The following SLC5A12 variants were observed in gnomAD, a reference collection of about 807,000 sequenced individuals.
The protein encoded by SLC5A12 is solute carrier family 5 member 12.
In SLC5A12, 46 loss-of-function variants were observed where a neutral mutation model predicts 72.7. The observed-to-expected ratio is 0.63, with a 90% CI of 0.50 to 0.81. SLC5A12 has a LOEUF of 0.81. Among genes scored for constraint, SLC5A12 ranks in the 30% least tolerant of loss-of-function variants. The pLI is 0.00. For synonymous variants in SLC5A12, 275 were observed against 264.4 expected, an observed-to-expected ratio of 1.04 and a Z score of -0.39; for missense variants, 683 against 740.7, an observed-to-expected ratio of 0.92 and a Z score of 0.90.
At chr11:26,706,322 C>G in intron 4 of SLC5A12, among the ~76,000 whole-genome samples, 1 of 151,806 alleles carries the variant, frequency 6.6e-6, no homozygotes, top group South Asian at 2.1e-4. Flanking sequence ...TAGGAAGTAA[C>G]AAGAGAATTA....
chr11:26,714,857 G>A (rs1423313230), intron 1 of SLC5A12, among the ~76,000 whole-genome samples: 1 of 152,026 alleles, frequency 6.6e-6, no homozygotes, highest in African/African-American at 2.4e-5. Flanking sequence ...CAAACCTGAG[G>A]TAGAAAACCA....
Position 26,671,100 on chromosome 11 carries a change from C to A in SLC5A12, c.*2G>T. On this transcript the variant is annotated 3_prime_UTR_variant, in exon 15 of 15. Coordinates refer to ENST00000396005, the MANE Select transcript of SLC5A12 (RefSeq NM_178498.4). ...TGTGTGTGCATTCATACAGGTATTG[C>A]CTTAGAAATGGGTAGTCTCAAATGC... The A allele has an allele frequency of 6.2e-7, 1 of 1,605,350 alleles. No individual in the cohort carries two copies. The highest frequency in any genetic ancestry group is 8.5e-7 in the Non-Finnish European group (1 of 1,175,188).
At chr11:26,711,953 G>T (rs1855239841) in intron 2 of SLC5A12, among the ~76,000 whole-genome samples, 1 of 152,104 alleles carries the variant, frequency 6.6e-6, no homozygotes, top group Admixed American at 6.6e-5. Context: ...AGAGATTCAT[G>T]TTAGGGTTTT....
In SLC5A12 at chr11:26,697,919, C is replaced by T. The variant is rs533463027; in HGVS notation, c.951+487G>A. Among the ~76,000 whole-genome samples the T allele has an allele frequency of 5.8e-4, 52 of 89,548 alleles. No homozygotes were observed. In the Admixed American group the frequency reaches 7.1e-3, roughly 12 times the overall value. The allele number at this position is 89,548 out of a possible 152,430, so 58.7% of individuals were successfully genotyped here. On this transcript the variant is annotated intron_variant, in intron 7 of 14. Transcript: ENST00000396005. ...TTTTTTTTTTTTTTTTTTTTTGAGA[C>T]GGAGTCTCACTCTTGTCGCCCAGGC...
chr11:26,704,218 G>A (rs1218887068), intron 4 of SLC5A12, among the ~76,000 whole-genome samples: 12 of 152,126 alleles, frequency 7.9e-5, no homozygotes, highest in Admixed American at 7.9e-4. Flanking sequence ...AATGTGGAAA[G>A]TGCAATTAAG....
Position 26,709,374 on chromosome 11 carries a change from C to T in SLC5A12, c.463G>A (p.Gly155Arg). The T allele has an allele frequency of 6.2e-7, 1 of 1,609,470 alleles. No homozygotes were observed. The highest frequency in any genetic ancestry group is 8.5e-7 in the Non-Finnish European group (1 of 1,177,608). ...APALALNQVT[G>R]FDLWGSVFAT... Reference sequence around the variant, plus strand: ...AACACAGAGCCCCAGAGATCAAACCCAGTCACTAGGAAAGAAGAAAAAAAT... The same window carrying T: ...AACACAGAGCCCCAGAGATCAAACCTAGTCACTAGGAAAGAAGAAAAAAAT... The change falls in exon 4 of 15, where the codon GGG (glycine) becomes AGG (arginine). Residue 155 changes from glycine to arginine, a missense_variant. By Grantham distance (125) the Gly-to-Arg change is moderately radical (BLOSUM62 -2). Coordinates refer to ENST00000396005, the MANE Select transcript of SLC5A12 (RefSeq NM_178498.4).
rs1854059322 is a variant in SLC5A12, at chr11:26,668,777, A to T, written c.*2325T>A. 6.6e-6 allele frequency: 1 copy of T among 152,084 alleles called. No individual in the cohort carries two copies. The highest frequency in any genetic ancestry group is 2.4e-5 in the African/African-American group (1 of 41,436). 9.4% of individuals were successfully genotyped at this position (152,084 alleles called of 1,614,324 possible). A position where few individuals can be genotyped will look rare whatever the true frequency, so the allele number is the denominator to read the frequency against. Reference sequence around the variant, plus strand: ...ATCTCCTAATGCCATAAATTTCATTACACAAGAGAAGGCAGAGATATTTTT... The same window carrying T: ...ATCTCCTAATGCCATAAATTTCATTTCACAAGAGAAGGCAGAGATATTTTT... On this transcript the variant is annotated 3_prime_UTR_variant, in exon 15 of 15. Transcript: ENST00000396005.
At chr11:26,691,464 T>C (rs1854670707) in intron 9 of SLC5A12, among the ~76,000 whole-genome samples, 1 of 95,906 alleles carries the variant, frequency 1.0e-5, no homozygotes, top group Non-Finnish European at 2.0e-5. Flanking sequence ...TATGTACATG[T>C]TTTTTTTTGT....
Position 26,670,535 on chromosome 11 carries a change from A to G in SLC5A12, c.*567T>C, listed in dbSNP as rs949643506. 2 of 151,852 alleles carry G rather than the reference A, an allele frequency of 1.3e-5. No homozygotes were observed. The highest frequency in any genetic ancestry group is 4.8e-5 in the African/African-American group (2 of 41,326). The allele number at this position is 151,852 out of a possible 1,614,324, so 9.4% of individuals were successfully genotyped here. A position where few individuals can be genotyped will look rare whatever the true frequency, so the allele number is the denominator to read the frequency against. ...TAATGACTGGAATGACTGGAAGAGG[A>G]CCTGACAGTGGTGGTGAAGGGAGGT... is the stretch of plus-strand genomic sequence containing the variant. On this transcript the variant is annotated 3_prime_UTR_variant, in exon 15 of 15. Coordinates refer to ENST00000396005, the MANE Select transcript of SLC5A12 (RefSeq NM_178498.4).
At position 26,698,447 on chromosome 11, in the gene SLC5A12, A is replaced by T. The variant is rs765359836; in HGVS notation, c.910T>A (p.Cys304Ser). Residue 304 changes from cysteine (C) to serine (S), a missense_variant, in exon 7 of 15, where the codon TGT (cysteine) becomes AGT (serine). Transcript: ENST00000396005. ...ATGATGCCAGAAGTCCAAGGGTCACAGTCTTTAAAGTGAGAGTACATGATT... is the reference window on the plus strand; with the variant it reads ...ATGATGCCAGAAGTCCAAGGGTCACTGTCTTTAAAGTGAGAGTACATGATT... The part of the protein sequence containing the change: ...GLIMYSHFKD[C>S]DPWTSGIISA... 1 of 1,614,096 alleles carries T rather than the reference A, an allele frequency of 6.2e-7. No individual in the cohort carries two copies. Among genetic ancestry groups the T allele is most frequent in the Non-Finnish European group, 8.5e-7 (1 of 1,179,990 alleles).
At chr11:26,712,815 G>T in intron 1 of SLC5A12, 109 bp from the exon 2 acceptor site, 1 of 541,368 alleles carries the variant, frequency 1.8e-6, no homozygotes, top group Non-Finnish European at 3.2e-6. Context: ...CTTGTAATCT[G>T]ATTTTATGAT....
chr11:26,718,732 A>G (rs1418641712), intron 1 of SLC5A12, among the ~76,000 whole-genome samples: 1 of 151,758 alleles, frequency 6.6e-6, no homozygotes, highest in Non-Finnish European at 1.5e-5. Flanking sequence ...CAGGTGATCC[A>G]CCCAACTCAG....
At chr11:26,687,718 A>G (rs1854571565) in intron 9 of SLC5A12, among the ~76,000 whole-genome samples, 2 of 152,334 alleles carry the variant, frequency 1.3e-5, no homozygotes, top group East Asian at 3.9e-4. Flanking sequence ...AAATCAGGCT[A>G]GTCATCTTTG....
At chr11:26,716,269 A>G (rs1449491502) in intron 1 of SLC5A12, 1 of 152,206 alleles carries the variant, frequency 6.6e-6, no homozygotes, top group Non-Finnish European at 1.5e-5. Flanking sequence ...ATATGAATAA[A>G]GACCTGATCA....
At chr11:26,691,462 T>C (rs1479286994) in intron 9 of SLC5A12, among the ~76,000 whole-genome samples, 2 of 142,384 alleles carry the variant, frequency 1.4e-5, no homozygotes, top group East Asian at 3.9e-4. Flanking sequence ...TTTATGTACA[T>C]GTTTTTTTTT....
rs147805758 is a variant in SLC5A12 at position 26,701,588 on chromosome 11, T to C, written c.821+1943A>G. Among the ~76,000 whole-genome samples the C allele has an allele frequency of 1.2e-4, 19 of 152,334 alleles. No homozygotes were observed. In the East Asian group the frequency reaches 3.7e-3, roughly 29 times the overall value. ...ACTAAATCAGGTTTTAAGATTTATA[T>C]ACAGAAATGTGTGTGTATGTGTGTA... On this transcript the variant is annotated intron_variant, in intron 6 of 14. Coordinates refer to ENST00000396005, the MANE Select transcript of SLC5A12 (RefSeq NM_178498.4).
Position 26,706,798 on chromosome 11 carries a change from C to T in SLC5A12, c.525+2514G>A, listed in dbSNP as rs865985114. On this transcript the variant is annotated intron_variant, in intron 4 of 14. Transcript: ENST00000396005. Reference sequence around the variant, plus strand: ...TTCTTTTTTCTAAATTTCAAAATGGCATATAATTATAATTATAATTATTGA... The same window carrying T: ...TTCTTTTTTCTAAATTTCAAAATGGTATATAATTATAATTATAATTATTGA... Among the ~76,000 whole-genome samples, 7 of 150,192 alleles carry T rather than the reference C, an allele frequency of 4.7e-5. 1 individual carries two copies. In the Middle Eastern group the frequency reaches 0.021, roughly 444 times the overall value.
intron 6 of SLC5A12, among the ~76,000 whole-genome samples, chr11:26,702,867 A>C (rs538170126): frequency 6.6e-6 from 1 of 152,206 alleles, no homozygotes; most frequent in Non-Finnish European, 1.5e-5. Flanking sequence ...TCAAAGAAAA[A>C]AATGAAACTT....
intron 9 of SLC5A12, among the ~76,000 whole-genome samples, chr11:26,691,233 C>T (rs1854664182): frequency 6.6e-6 from 1 of 151,964 alleles, no homozygotes. Context: ...AATCTGATGC[C>T]ATTTTGTCCA....
Sources: gnomAD v4.1 joint callset for allele counts (sites outside exome capture counted in the v4.1 genomes callset) on GRCh38, gnomAD v4.1.1 for gene constraint, MANE v1.5 for transcripts, NCBI Gene and HGNC (gene_info 2026-07-23, HGNC 2026-07-21) for gene names.